Variants in HGF observed in about 807,000 individuals in gnomAD.
HGF encodes the protein fibroblast-derived tumor cytotoxic factor.
HGF carries 39 observed loss-of-function variants against 111.6 expected under a neutral mutation model. The ratio of observed to expected loss-of-function variants is 0.35; its 90% confidence interval spans 0.27 to 0.46. The LOEUF (loss-of-function observed/expected upper bound fraction) is 0.46. HGF is among the 20% of genes least tolerant of loss of function. The pLI is 1.00. For missense variants in HGF, 735 were observed against 910.5 expected, an observed-to-expected ratio of 0.81 and a Z score of 2.48; for synonymous variants, 285 against 294.8, an observed-to-expected ratio of 0.97 and a Z score of 0.34.
chr7:81,707,640 G>A (rs536453708), intron 13 of HGF, among the ~76,000 whole-genome samples: 7 of 152,126 alleles, frequency 4.6e-5, no homozygotes, highest in Non-Finnish European at 7.4e-5. Context: ...TAGCCATCCC[G>A]AACACACATA....
chr7:81,720,356 C>A (rs2057935), intron 10 of HGF, among the ~76,000 whole-genome samples: 11,455 of 152,156 alleles, frequency 0.075, 1,427 homozygotes, highest in African/African-American at 0.26. Flanking sequence ...AATCCCATAA[C>A]ATGCAATATT....
intron 1 of HGF, among the ~76,000 whole-genome samples, chr7:81,767,591 C>T (rs765730543): frequency 5.3e-5 from 8 of 152,102 alleles, no homozygotes; most frequent in Non-Finnish European, 1.2e-4. Flanking sequence ...ATTTGTTTCC[C>T]ATGTAGGTGG....
At chr7:81,738,916 T>C (rs1374051963) in intron 7 of HGF, among the ~76,000 whole-genome samples, 5 of 152,156 alleles carry the variant, frequency 3.3e-5, no homozygotes, top group African/African-American at 4.8e-5. Flanking sequence ...ACAACCCTCT[T>C]TGTGTTCTCA....
intron 5 of HGF, chr7:81,751,450 C>G: frequency 1.0e-6 from 1 of 984,214 alleles, no homozygotes; most frequent in Non-Finnish European, 1.2e-6. Flanking sequence ...GGACAATGCC[C>G]TTTTATGCTG....
At chr7:81,719,680 C>T (rs986406328) in intron 10 of HGF, among the ~76,000 whole-genome samples, 3 of 152,138 alleles carry the variant, frequency 2.0e-5, no homozygotes, top group African/African-American at 7.2e-5. Context: ...AGGAATTTAA[C>T]AGAACATATG....
rs1401855141 is a variant in HGF, at chr7:81,700,312, C to T, written c.*2269G>A. The T allele has an allele frequency of 6.6e-6, 1 of 151,596 alleles. No homozygotes were observed. Among genetic ancestry groups the T allele is most frequent in the African/African-American group, 2.4e-5 (1 of 41,384 alleles). 9.4% of individuals were successfully genotyped at this position (151,596 alleles called of 1,614,324 possible). A position where few individuals can be genotyped will look rare whatever the true frequency, so the allele number is the denominator to read the frequency against. ...TCTAAGTTTCATTGTCAATTCCACC[C>T]ATGTCCCTCTATCACGAAAGGAGCC... On this transcript the variant is annotated 3_prime_UTR_variant, in exon 18 of 18. Coordinates refer to ENST00000222390, the MANE Select transcript of HGF (RefSeq NM_000601.6).
In HGF at chr7:81,699,371, C is replaced by A. The variant is rs1327793869; in HGVS notation, c.*3210G>T. 6.6e-6 allele frequency: 1 copy of A among 151,468 alleles called. No individual in the cohort carries two copies. The highest frequency in any genetic ancestry group is 1.5e-5 in the Non-Finnish European group (1 of 67,634). 9.4% of individuals were successfully genotyped at this position (151,468 alleles called of 1,614,324 possible). A position where few individuals can be genotyped will look rare whatever the true frequency, so the allele number is the denominator to read the frequency against. On this transcript the variant is annotated 3_prime_UTR_variant, in exon 18 of 18. Coordinates refer to ENST00000222390, the MANE Select transcript of HGF (RefSeq NM_000601.6). ...TTAGTTGAATGTTGAATGATAACTT[C>A]TTTTTGGACTTTATCATGACAAGTG...
At position 81,763,133 on chromosome 7, in the gene HGF, G is replaced by T; in HGVS notation, c.89-261C>A. On this transcript the variant is annotated intron_variant, in intron 1 of 17. Coordinates refer to ENST00000222390, the MANE Select transcript of HGF (RefSeq NM_000601.6). ...AAATTAAGGAGCTTTTAAAAATCAG[G>T]ACAGAGTTCACACTAAAGAAATAAA... 3 of 456,306 alleles carry T rather than the reference G, an allele frequency of 6.6e-6. No homozygotes were observed. In the South Asian group the frequency reaches 7.8e-5, roughly 12 times the overall value. 28.3% of individuals were successfully genotyped at this position (456,306 alleles called of 1,614,324 possible).
At chr7:81,736,894 GGTGTGT>G (rs368271908) in intron 7 of HGF, among the ~76,000 whole-genome samples, 209 of 142,052 alleles carry the variant, frequency 1.5e-3, no homozygotes, top group South Asian at 9.5e-3. Flanking sequence ...TGTGTAGAGG[GGTGTGT>G]GTGTGTGTGT....
chr7:81,758,180 G>T (rs949670336), intron 3 of HGF, among the ~76,000 whole-genome samples: 9 of 151,506 alleles, frequency 5.9e-5, no homozygotes, highest in African/African-American at 2.2e-4. Context: ...CAAATAATAT[G>T]GTCTCAATTC....
rs369606089 is a variant in HGF, at chr7:81,717,718, A to G, written c.1272-353T>C. Among the ~76,000 whole-genome samples, 10 of 152,084 alleles carry G rather than the reference A, an allele frequency of 6.6e-5. 1 individual carries two copies. In the East Asian group the frequency reaches 9.7e-4, roughly 15 times the overall value. ...AAGCAAGCAGATGGCAAAGATTAAA[A>G]CTATAAAATACATAAAAAATACAAG... On this transcript the variant is annotated intron_variant, in intron 10 of 17. Transcript: ENST00000222390.
In HGF at chr7:81,702,550, T is replaced by C. The variant is rs777717109; in HGVS notation, c.*31A>G. ...AATCTTCATGTAAAAGACAGTTGTATTGGTGGGTGCTTCAGACACACTTAC... is the reference window on the plus strand; with the variant it reads ...AATCTTCATGTAAAAGACAGTTGTACTGGTGGGTGCTTCAGACACACTTAC... On this transcript the variant is annotated 3_prime_UTR_variant, in exon 18 of 18. Coordinates refer to ENST00000222390, the MANE Select transcript of HGF (RefSeq NM_000601.6). The C allele has an allele frequency of 5.8e-6, 9 of 1,549,664 alleles. No individual in the cohort carries two copies. The highest frequency in any genetic ancestry group is 1.7e-5 in the Admixed American group (1 of 59,578).
chr7:81,705,296 A>C, intron 17 of HGF, 94 bp downstream of exon 17: 1 of 1,241,520 alleles, frequency 8.1e-7, no homozygotes, highest in Non-Finnish European at 1.2e-6. Context: ...TTGGTATACA[A>C]TATTTTTGAT....
At chr7:81,761,679 C>T (rs552359126) in intron 2 of HGF, among the ~76,000 whole-genome samples, 1 of 152,066 alleles carries the variant, frequency 6.6e-6, no homozygotes, top group African/African-American at 2.4e-5. Flanking sequence ...GAAATTGTCA[C>T]CCTCTTAGCC....
In HGF at chr7:81,706,327, C is replaced by T; in HGVS notation, c.1717G>A (p.Gly573Ser). 1 of 1,612,734 alleles carries T rather than the reference C, an allele frequency of 6.2e-7. No homozygotes were observed. Among genetic ancestry groups the T allele is most frequent in the South Asian group, 1.1e-5 (1 of 91,058 alleles). The part of the protein sequence containing the change: ...QVLNVSQLVY[G>S]PEGSDLVLMK... ...AAAACCAGATCTGATCCTTCAGGGCCATATACCAGCTGGGAAACATTGAGA... is the reference window on the plus strand; with the variant it reads ...AAAACCAGATCTGATCCTTCAGGGCTATATACCAGCTGGGAAACATTGAGA... Residue 573 changes from glycine (G) to serine (S), a missense_variant, in exon 15 of 18, where the codon GGC becomes AGC. Transcript: ENST00000222390.
At chr7:81,752,081 G>A (rs761063801) in intron 5 of HGF, 39 bp downstream of exon 5, 3 of 1,612,314 alleles carry the variant, frequency 1.9e-6, no homozygotes, top group South Asian at 2.2e-5. Context: ...TACACATAGG[G>A]GGAATAGAAT....
At chr7:81,726,652 G>A (rs774960153) in intron 8 of HGF, among the ~76,000 whole-genome samples, 7 of 151,932 alleles carry the variant, frequency 4.6e-5, no homozygotes, top group Non-Finnish European at 1.0e-4. Flanking sequence ...TTAAGGCCCA[G>A]TTATACTATA....
chr7:81,734,076 A>T (rs971920759), intron 7 of HGF, among the ~76,000 whole-genome samples: 2 of 152,164 alleles, frequency 1.3e-5, no homozygotes, highest in Non-Finnish European at 2.9e-5. Context: ...AAATGTCAGA[A>T]AACACAGAAA....
intron 1 of HGF, among the ~76,000 whole-genome samples, chr7:81,763,208 C>T (rs1343071266): frequency 1.3e-5 from 2 of 152,116 alleles, no homozygotes; most frequent in African/African-American, 4.8e-5. Context: ...GTGCTAGAAG[C>T]ATATCATATC....
Sources: gnomAD v4.1 joint callset for allele counts (sites outside exome capture counted in the v4.1 genomes callset) on GRCh38, gnomAD v4.1.1 for gene constraint, MANE v1.5 for transcripts, NCBI Gene and HGNC (gene_info 2026-07-23, HGNC 2026-07-21) for gene names.